Variants in DDHD2 observed in about 807,000 individuals in gnomAD.
DDHD2 encodes DDHD domain containing 2, also known as triacylglycerol hydrolase DDHD2.
Under a neutral mutation model 91.2 loss-of-function variants are expected in DDHD2, and 62 were observed. The observed-to-expected ratio is 0.68, with a 90% CI of 0.55 to 0.84. The LOEUF is 0.84. Among genes scored for constraint, DDHD2 ranks in the 40% least tolerant of loss-of-function variants. DDHD2 has a pLI of 0.00. For synonymous variants in DDHD2, 271 were observed against 293.9 expected, an observed-to-expected ratio of 0.92 and a Z score of 0.80; for missense variants, 740 against 846.9, an observed-to-expected ratio of 0.87 and a Z score of 1.57.
chr8:38,272,000 A>C (rs779831106), downstream of DDHD2: 26 of 152,162 alleles, frequency 1.7e-4, no homozygotes, highest in Non-Finnish European at 1.3e-4. Context: ...TCTGGGTTTG[A>C]CCTATTGGAA....
At chr8:38,236,740 G>A (rs1297219307) in intron 3 of DDHD2, among the ~76,000 whole-genome samples, 2 of 151,790 alleles carry the variant, frequency 1.3e-5, no homozygotes, top group African/African-American at 2.4e-5. Context: ...GGCTGGTCTC[G>A]AACTCCCAAC....
At position 38,249,754 on chromosome 8, in the gene DDHD2, G is replaced by T; in HGVS notation, c.1295G>T (p.Gly432Val). The change falls in exon 11 of 18, where the codon GGA (glycine) becomes GTA (valine). Residue 432 changes from glycine (G) to valine (V), a missense_variant. Physicochemically the swap from Gly to Val is moderately radical, Grantham distance 109. Transcript: ENST00000397166. ...CTTCAGGAAATAGGAATTCCTTTAG[G>T]ACCAAGAAAGAAGATATTAAACTAT... ...RDLQEIGIPL[G>V]PRKKILNYFS... 3.1e-6 allele frequency: 5 copies of T among 1,612,052 alleles called. No homozygotes were observed. Among genetic ancestry groups the T allele is most frequent in the Non-Finnish European group, 4.2e-6 (5 of 1,178,724 alleles).
chr8:38,253,194 T>C, intron 15 of DDHD2, 67 bp downstream of exon 15: 1 of 1,405,726 alleles, frequency 7.1e-7, no homozygotes, highest in Non-Finnish European at 9.6e-7. Context: ...GCGTTTTTCA[T>C]AGTTAATTTA....
chr8:38,240,897 G>C (rs1453462010), intron 6 of DDHD2, among the ~76,000 whole-genome samples: 2 of 151,806 alleles, frequency 1.3e-5, no homozygotes, highest in Non-Finnish European at 2.9e-5. Flanking sequence ...ATTGTGAAAC[G>C]CTGTCTCTAC....
chr8:38,236,507 A>T (rs905389869), intron 3 of DDHD2, among the ~76,000 whole-genome samples: 3 of 148,230 alleles, frequency 2.0e-5, no homozygotes, highest in African/African-American at 7.5e-5. Flanking sequence ...AGCGTGCCTC[A>T]CCACACTGGC....
At chr8:38,250,872 T>C (rs1231467945) in intron 11 of DDHD2, 2 of 152,148 alleles carry the variant, frequency 1.3e-5, no homozygotes, top group African/African-American at 4.8e-5. Context: ...ACTAATCTAC[T>C]TTCTGTTTCT....
intron 1 of DDHD2, chr8:38,268,486 AAAC>A: frequency 6.4e-7 from 1 of 1,553,124 alleles, no homozygotes; most frequent in Non-Finnish European, 8.7e-7. Context: ...CAGAGGTTAA[AAAC>A]AATCCAAAAA....
intron 1 of DDHD2, chr8:38,268,270 A>G (rs951733525): frequency 1.7e-6 from 2 of 1,164,198 alleles, no homozygotes; most frequent in East Asian, 2.6e-5. Flanking sequence ...TTAGGAATGC[A>G]GAACTCAGTG....
At position 38,233,111 on chromosome 8, in the gene DDHD2, A is replaced by C; in HGVS notation, c.117A>C (p.Pro39=). 1 of 1,614,106 alleles carries C rather than the reference A, an allele frequency of 6.2e-7. No individual in the cohort carries two copies. The highest frequency in any genetic ancestry group is 1.3e-5 in the African/African-American group (1 of 75,052). The change falls in exon 2 of 18, where the codon CCA becomes CCC. Residue 39 remains proline (P), a synonymous_variant. Coordinates refer to ENST00000397166, the MANE Select transcript of DDHD2 (RefSeq NM_015214.3). ...TGGATGCTGGCAGCTTGTATGAACC[A>C]GTTTCTCCCCATTGGTTTTATTGTA... ...IDMDAGSLYE[P]VSPHWFYCKI...
At chr8:38,244,942 T>C (rs1054960542) in intron 7 of DDHD2, among the ~76,000 whole-genome samples, 1 of 152,044 alleles carries the variant, frequency 6.6e-6, no homozygotes, top group South Asian at 2.1e-4. Flanking sequence ...CTTAATATCA[T>C]CAAATACCTA....
At chr8:38,252,617 G>A in intron 13 of DDHD2, 105 bp from the exon 14 acceptor site, 3 of 799,234 alleles carry the variant, frequency 3.8e-6, no homozygotes, top group Non-Finnish European at 5.9e-6. Flanking sequence ...ACTCCAGCCT[G>A]GGTGACAGAG....
At chr8:38,264,437 T>A (rs1165708452), downstream of DDHD2, 1 of 1,543,390 alleles carries the variant, frequency 6.5e-7, no homozygotes, top group East Asian at 2.5e-5. Flanking sequence ...CCGGCCAGAT[T>A]CAATTTTTAA....
intron 1 of DDHD2, chr8:38,269,979 G>T (rs978893297): frequency 1.3e-5 from 2 of 152,084 alleles, no homozygotes; most frequent in Non-Finnish European, 2.9e-5. Flanking sequence ...CTATATACAG[G>T]TTAACCAAGC....
In DDHD2 at chr8:38,269,193, T is replaced by G. The variant is rs1012417110; in HGVS notation, n.88-1929T>G. The stretch of plus-strand genomic sequence containing the variant: ...CCAAAGGCCACCGCCGCCGCCGCCT[T>G]CCCCATCCGGCCGCGAGCTCCGAGC... On this transcript the variant is annotated intron_variant and non_coding_transcript_variant, in intron 1 of 1. Transcript: ENST00000526071. 2.2e-4 allele frequency: 325 copies of G among 1,499,974 alleles called. 1 individual carries two copies. Among genetic ancestry groups the G allele is most frequent in the Non-Finnish European group, 2.8e-4 (319 of 1,132,554 alleles). 92.9% of individuals were successfully genotyped at this position (1,499,974 alleles called of 1,614,324 possible). A position where few individuals can be genotyped will look rare whatever the true frequency, so the allele number is the denominator to read the frequency against.
rs528491696 is a variant in DDHD2 at position 38,237,142 on chromosome 8, G to A, written c.412-396G>A. On this transcript the variant is annotated intron_variant, in intron 3 of 17. Transcript: ENST00000397166. ...TGTAATCCCAGCACTTTGGGAGGCCGAGGCAGGCAGATCACCTGAGGTCAG... is the reference window on the plus strand; with the variant it reads ...TGTAATCCCAGCACTTTGGGAGGCCAAGGCAGGCAGATCACCTGAGGTCAG... Among the ~76,000 whole-genome samples, 36 of 151,992 alleles carry A rather than the reference G, an allele frequency of 2.4e-4. No individual in the cohort carries two copies. The East Asian group carries it at 6.8e-3, about 29-fold the overall frequency.
chr8:38,267,741 TG>T, downstream of DDHD2: 1 of 770,098 alleles, frequency 1.3e-6, no homozygotes, highest in South Asian at 1.8e-5. Flanking sequence ...GACTGAGGTA[TG>T]GGGAAGGGAG....
intron 3 of DDHD2, among the ~76,000 whole-genome samples, chr8:38,235,893 A>G (rs1171077111): frequency 6.6e-6 from 1 of 151,650 alleles, no homozygotes; most frequent in African/African-American, 2.4e-5. Flanking sequence ...ACACACACAC[A>G]CACACACAAA....
In DDHD2 at chr8:38,261,801, C is replaced by T. The variant is rs1807050446; in HGVS notation, c.*1228C>T. On this transcript the variant is annotated 3_prime_UTR_variant, in exon 18 of 18. Transcript: ENST00000397166. ...TACTTTGCTGTAGATTTTTCTTCTT[C>T]ATTGGTCAGTTTGTCATTGTCTTTG... 1 of 152,134 alleles carries T rather than the reference C, an allele frequency of 6.6e-6. No individual in the cohort carries two copies. Among genetic ancestry groups the T allele is most frequent in the African/African-American group, 2.4e-5 (1 of 41,432 alleles). The allele number at this position is 152,134 out of a possible 1,614,324, so 9.4% of individuals were successfully genotyped here.
chr8:38,260,267 C>G, intron 17 of DDHD2, 120 bp downstream of exon 17: 2 of 538,232 alleles, frequency 3.7e-6, no homozygotes. Flanking sequence ...AAGATCTAGG[C>G]TGCTATTCAT....
Sources: gnomAD v4.1 joint callset for allele counts (sites outside exome capture counted in the v4.1 genomes callset) on GRCh38, gnomAD v4.1.1 for gene constraint, MANE v1.5 for transcripts, NCBI Gene and HGNC (gene_info 2026-07-23, HGNC 2026-07-21) for gene names.